Variants in SLC14A2 observed in about 807,000 individuals in gnomAD.
The protein encoded by SLC14A2 is urea transporter 2.
In SLC14A2, 91 loss-of-function variants were observed where a neutral mutation model predicts 104.6. The ratio of observed to expected loss-of-function variants is 0.87; its 90% CI spans 0.73 to 1.04. The LOEUF (loss-of-function observed/expected upper bound fraction) is 1.04. SLC14A2 is among the 50% of genes least tolerant of loss of function. The pLI is 0.00. For synonymous variants in SLC14A2, 476 were observed against 466.4 expected (o/e 1.02, Z -0.27); for missense variants, 1,189 against 1,156.0 (o/e 1.03, Z -0.41).
chr18:45,567,226 G>T (rs1030139900), intron 2 of SLC14A2, among the ~76,000 whole-genome samples: 2 of 151,996 alleles, frequency 1.3e-5, no homozygotes, highest in African/African-American at 4.8e-5. Context: ...GAAGGCCAAC[G>T]CCCACCCCCA....
chr18:45,562,016 A>T (rs572329242), intron 2 of SLC14A2, among the ~76,000 whole-genome samples: 1 of 152,212 alleles, frequency 6.6e-6, no homozygotes, highest in East Asian at 1.9e-4. Context: ...TTAAGCAAAC[A>T]ATGCTGCATT....
At chr18:45,189,884 G>A in the SLC14A2 span, among the ~76,000 whole-genome samples, 39 of 151,988 alleles carry the variant, frequency 2.6e-4, no homozygotes, top group Non-Finnish European at 5.3e-4. Flanking sequence ...CATCCCTAGG[G>A]CAGTCCCATC....
chr18:45,582,284 G>C (rs760149136), intron 2 of SLC14A2, among the ~76,000 whole-genome samples: 1 of 152,114 alleles, frequency 6.6e-6, no homozygotes. Context: ...GATTGAGATG[G>C]CCTGTTACAA....
At chr18:45,400,084 T>C (rs2086079159) in intron 1 of SLC14A2, among the ~76,000 whole-genome samples, 1 of 152,168 alleles carries the variant, frequency 6.6e-6, no homozygotes, top group African/African-American at 2.4e-5. Flanking sequence ...TTGAGACAAG[T>C]TCAAACTTAC....
chr18:45,654,140 G>GGA (rs1555718851), intron 10 of SLC14A2, among the ~76,000 whole-genome samples: 1 of 151,696 alleles, frequency 6.6e-6, no homozygotes, highest in Non-Finnish European at 1.5e-5. Context: ...GGAATGCTGG[G>GGA]GGGGACGTGG....
intron 1 of SLC14A2, among the ~76,000 whole-genome samples, chr18:45,403,592 T>C (rs1290150633): frequency 6.6e-6 from 1 of 152,122 alleles, no homozygotes; most frequent in Non-Finnish European, 1.5e-5. Flanking sequence ...GTGGCACAGA[T>C]GGAGCATGGC....
intron 2 of SLC14A2, among the ~76,000 whole-genome samples, chr18:45,579,241 C>A (rs2044456436): frequency 6.6e-6 from 1 of 152,200 alleles, no homozygotes; most frequent in African/African-American, 2.4e-5. Flanking sequence ...TGCTACAAGG[C>A]TCTTTGTATG....
intron 1 of SLC14A2, among the ~76,000 whole-genome samples, chr18:45,382,725 G>C (rs2085852227): frequency 6.6e-6 from 1 of 152,204 alleles, no homozygotes; most frequent in Admixed American, 6.5e-5. Context: ...GTAGGCACTT[G>C]CTAAATACTT....
chr18:45,528,384 A>ACTGACATC (rs1485174769), intron 2 of SLC14A2: 1 of 152,156 alleles, frequency 6.6e-6, no homozygotes, highest in Non-Finnish European at 1.5e-5. Flanking sequence ...AAAAAGACTC[A>ACTGACATC]CTGACATCCT....
intron 1 of SLC14A2, among the ~76,000 whole-genome samples, chr18:45,322,243 G>GT (rs1738910987): frequency 1.3e-5 from 2 of 152,144 alleles, no homozygotes; most frequent in Non-Finnish European, 2.9e-5. Flanking sequence ...ATAACTTAGT[G>GT]TTGGACATAT....
Position 45,423,922 on chromosome 18 carries a change from A to G in SLC14A2, c.-124-59311A>G, listed in dbSNP as rs548307880. ...ATTTCACCCAAGATTTATTGAGTCC[A>G]TGTGGAGTATGTTTTCATTCCTTAT... On this transcript the variant is annotated intron_variant, in intron 1 of 20. Coordinates refer to the SLC14A2 transcript ENST00000586448. The G allele has an allele frequency of 3.3e-5, 5 of 152,288 alleles. No homozygotes were observed. The South Asian group carries it at 1.0e-3, about 32-fold the overall frequency. The allele number at this position is 152,288 out of a possible 1,614,324, so 9.4% of individuals were successfully genotyped here. A position where few individuals can be genotyped will look rare whatever the true frequency, so the allele number is the denominator to read the frequency against.
chr18:45,274,512 C>T (rs1440911931), intron 1 of SLC14A2, among the ~76,000 whole-genome samples: 1 of 152,114 alleles, frequency 6.6e-6, no homozygotes, highest in Non-Finnish European at 1.5e-5. Context: ...TTTTCCAAAT[C>T]TCTGATTACT....
At chr18:45,450,588 T>C (rs2086841786) in intron 1 of SLC14A2, among the ~76,000 whole-genome samples, 1 of 152,212 alleles carries the variant, frequency 6.6e-6, no homozygotes, top group African/African-American at 2.4e-5. Flanking sequence ...TTGACCATCA[T>C]TGTTGTTCCA....
In SLC14A2 at chr18:45,680,492, C is replaced by T. The variant is rs80042232; in HGVS notation, c.2562+1468C>T. Among the ~76,000 whole-genome samples, 27 of 152,232 alleles carry T rather than the reference C, an allele frequency of 1.8e-4. No homozygotes were observed. The East Asian group carries it at 4.4e-3, about 25-fold the overall frequency. On this transcript the variant is annotated intron_variant, in intron 19 of 19. Transcript: ENST00000255226. The stretch of plus-strand genomic sequence containing the variant: ...TTAAAGGAATTTCCCACAATGTCAT[C>T]GAGGAACAGGAAATAAAAATGTTGA...
At chr18:45,294,984 C>A (rs181973203) in intron 1 of SLC14A2, among the ~76,000 whole-genome samples, 1 of 152,224 alleles carries the variant, frequency 6.6e-6, no homozygotes, top group Non-Finnish European at 1.5e-5. Flanking sequence ...CCTTAATGAA[C>A]CATGATACTT....
At chr18:45,673,103 A>T in intron 17 of SLC14A2, 56 bp downstream of exon 17, 1 of 1,533,028 alleles carries the variant, frequency 6.5e-7, no homozygotes, top group Non-Finnish European at 8.9e-7. Flanking sequence ...GGCCAGCTCC[A>T]AATAAAATGG....
chr18:45,623,449 C>T (rs530347555), intron 1 of SLC14A2, among the ~76,000 whole-genome samples: 12 of 152,236 alleles, frequency 7.9e-5, no homozygotes, highest in African/African-American at 2.6e-4. Context: ...GAGTCAGTAA[C>T]GCAGCAGTGG....
intron 1 of SLC14A2, among the ~76,000 whole-genome samples, chr18:45,229,771 T>C (rs1405719431): frequency 1.3e-5 from 2 of 152,180 alleles, no homozygotes; most frequent in Non-Finnish European, 2.9e-5. Flanking sequence ...AAAATCCTGC[T>C]TACCAGTTCA....
chr18:45,345,115 G>A lies in SLC14A2; in HGVS notation c.-125+131924G>A, dbSNP rs188477150. The stretch of plus-strand genomic sequence containing the variant: ...TTCTCTGTGTTCCTTGTGCATTCTT[G>A]TTCATAAAGGTGCTTCATGTCAGTA... On this transcript the variant is annotated intron_variant, in intron 1 of 20. Transcript: ENST00000586448. Among the ~76,000 whole-genome samples, 17 of 152,200 alleles carry A rather than the reference G, an allele frequency of 1.1e-4. No homozygotes were observed. The East Asian group carries it at 1.9e-3, about 17-fold the overall frequency.
Sources: gnomAD v4.1 joint callset for allele counts (sites outside exome capture counted in the v4.1 genomes callset) on GRCh38, gnomAD v4.1.1 for gene constraint, MANE v1.5 for transcripts, NCBI Gene and HGNC (gene_info 2026-07-23, HGNC 2026-07-21) for gene names.